Variants in COL27A1 observed in about 807,000 individuals in gnomAD.
The protein encoded by COL27A1 is collagen alpha-1(XXVII) chain.
Under a neutral mutation model 251.3 loss-of-function variants are expected in COL27A1, and 106 were observed. The ratio of observed to expected loss-of-function variants is 0.42; its 90% CI spans 0.36 to 0.50. The LOEUF is 0.50. Ranked by LOEUF, COL27A1 falls within the 20% of genes least tolerant of loss-of-function variation. The pLI is 0.00. For synonymous variants in COL27A1, 1,000 were observed against 986.3 expected, an observed-to-expected ratio of 1.01 and a Z score of -0.26; for missense variants, 2,325 against 2,522.8, an observed-to-expected ratio of 0.92 and a Z score of 1.68.
chr9:114,240,934 T>C (rs971924795), intron 21 of COL27A1, among the ~76,000 whole-genome samples: 2 of 152,232 alleles, frequency 1.3e-5, no homozygotes, highest in Non-Finnish European at 2.9e-5. Flanking sequence ...CCAGGTCTGC[T>C]TGAGCCCAAA....
rs1051414684 is a variant in COL27A1, at chr9:114,269,300, T to C, written c.3555+6T>C. On this transcript the variant is annotated splice_donor_region_variant and intron_variant, in intron 35 of 60. Transcript: ENST00000356083. ...AGGGCCTCATTGGGCAACGGGTAAG[T>C]TGAAGCAATTTATTCTTCCTGAAAG... is the stretch of plus-strand genomic sequence containing the variant. The C allele has an allele frequency of 5.0e-6, 8 of 1,606,482 alleles. No homozygotes were observed. Among genetic ancestry groups the C allele is most frequent in the Non-Finnish European group, 6.8e-6 (8 of 1,175,646 alleles).
chr9:114,309,301 C>G lies in COL27A1; in HGVS notation c.5259C>G (p.His1753Gln). The G allele has an allele frequency of 6.2e-7, 1 of 1,614,012 alleles. No homozygotes were observed. Among genetic ancestry groups the G allele is most frequent in the Non-Finnish European group, 8.5e-7 (1 of 1,180,044 alleles). The part of the protein sequence containing the change: ...AISRVQMNFL[H>Q]LLSSEVTQHI... ...GCCGGGTCCAGATGAATTTCCTGCA[C>G]CTGCTAAGCTCCGAGGTGACCCAGC... The change falls in exon 60 of 61, where the codon CAC (histidine) becomes CAG (glutamine). Residue 1753 changes from histidine to glutamine, a missense_variant. Coordinates refer to ENST00000356083, the MANE Select transcript of COL27A1 (RefSeq NM_032888.4).
At chr9:114,307,594 G>A (rs745993237) in intron 58 of COL27A1, 75 bp from the exon 59 acceptor site, 48 of 1,018,334 alleles carry the variant, frequency 4.7e-5, no homozygotes, top group Admixed American at 3.3e-4. Context: ...ACAAGATGCA[G>A]GGTCCATCTA....
chr9:114,229,018 C>T (rs1831725881), intron 14 of COL27A1, among the ~76,000 whole-genome samples: 1 of 152,154 alleles, frequency 6.6e-6, no homozygotes, highest in African/African-American at 2.4e-5. Flanking sequence ...GAGATTGAGT[C>T]TCCCTATGTT....
intron 24 of COL27A1, among the ~76,000 whole-genome samples, chr9:114,247,905 G>C (rs1244221235): frequency 6.6e-6 from 1 of 151,888 alleles, no homozygotes; most frequent in Non-Finnish European, 1.5e-5. Flanking sequence ...CATTATAATG[G>C]CAAAAACTGC....
intron 41 of COL27A1, among the ~76,000 whole-genome samples, chr9:114,285,408 C>T (rs981579431): frequency 1.1e-4 from 17 of 152,104 alleles, no homozygotes; most frequent in African/African-American, 4.1e-4. Context: ...TGTGGTGTCA[C>T]GTCCAAGGCA....
At chr9:114,183,597 C>A (rs1192341119) in intron 5 of COL27A1, among the ~76,000 whole-genome samples, 1 of 151,970 alleles carries the variant, frequency 6.6e-6, no homozygotes, top group African/African-American at 2.4e-5. Context: ...GTGGTGGGTG[C>A]AAGGTGAGAG....
intron 25 of COL27A1, among the ~76,000 whole-genome samples, chr9:114,251,496 T>C (rs4978575): frequency 0.34 from 51,335 of 151,998 alleles, 9,309 homozygotes; most frequent in East Asian, 0.72. Context: ...TATCTTGAAA[T>C]TTTAAATTTA....
rs529495663 is a variant in COL27A1 at position 114,253,705 on chromosome 9, G to GA, written c.3141+779dup. The stretch of plus-strand genomic sequence containing the variant: ...CTGAATTTTGCTCATTTGAAAAACA[G>GA]AAAAAAGAATCATGGTCAGGATAGT... On this transcript the variant is annotated intron_variant, in intron 27 of 60. Coordinates refer to ENST00000356083, the MANE Select transcript of COL27A1 (RefSeq NM_032888.4). 3.5e-4 allele frequency among the ~76,000 whole-genome samples: 53 copies of GA among 152,246 alleles called. No homozygotes were observed. The East Asian group carries it at 9.8e-3, about 28-fold the overall frequency.
chr9:114,251,790 C>T (rs547064198), intron 25 of COL27A1, among the ~76,000 whole-genome samples: 119 of 152,342 alleles, frequency 7.8e-4, no homozygotes, highest in Non-Finnish European at 1.4e-3. Flanking sequence ...AGGGACTTCC[C>T]GAGGGAAGCT....
chr9:114,242,155 C>T (rs1299857453), intron 21 of COL27A1, 32 bp from the exon 22 acceptor site: 1 of 1,575,850 alleles, frequency 6.3e-7, no homozygotes, highest in South Asian at 1.2e-5. Flanking sequence ...TAACTTTCTC[C>T]TTTTTTCCTC....
chr9:114,204,991 G>C, intron 7 of COL27A1, 111 bp from the exon 8 acceptor site: 2 of 955,772 alleles, frequency 2.1e-6, no homozygotes, highest in Non-Finnish European at 3.3e-6. Flanking sequence ...ACTCCATCCC[G>C]GATGCAGTAC....
intron 7 of COL27A1, among the ~76,000 whole-genome samples, chr9:114,197,470 C>A (rs558982849): frequency 6.6e-6 from 1 of 152,330 alleles, no homozygotes; most frequent in African/African-American, 2.4e-5. Context: ...CTTACTTCCT[C>A]TCTGGGCTCT....
chr9:114,300,041 C>A (rs77055438), intron 49 of COL27A1, 29 bp from the exon 50 acceptor site: 2 of 1,613,134 alleles, frequency 1.2e-6, no homozygotes, highest in African/African-American at 1.3e-5. Context: ...TGAGCTCACT[C>A]GCTCCATCAC....
chr9:114,252,207 C>A (rs1833589317), intron 25 of COL27A1, among the ~76,000 whole-genome samples: 1 of 152,196 alleles, frequency 6.6e-6, no homozygotes, highest in African/African-American at 2.4e-5. Context: ...AAAGACATGC[C>A]TTCTCTTGCT....
chr9:114,293,903 C>T (rs1828084423), intron 49 of COL27A1, among the ~76,000 whole-genome samples: 1 of 151,992 alleles, frequency 6.6e-6, no homozygotes, highest in South Asian at 2.1e-4. Context: ...AAACTCTGGG[C>T]CCAGATGGCT....
At position 114,237,056 on chromosome 9, in the gene COL27A1, AC is replaced by A. The variant is rs763197829; in HGVS notation, c.2673+27del. On this transcript the variant is annotated intron_variant, in intron 18 of 60. Coordinates refer to ENST00000356083, the MANE Select transcript of COL27A1 (RefSeq NM_032888.4). ...TCTGGTAAGTACCTGCTCCTCCAGC[AC>A]CCCCAAACCTCACACTCTCCAACTG... 1.0e-5 allele frequency: 16 copies of A among 1,580,984 alleles called. No individual in the cohort carries two copies. The East Asian group carries it at 3.6e-4, about 36-fold the overall frequency.
chr9:114,241,974 A>G (rs1188237046), intron 21 of COL27A1, among the ~76,000 whole-genome samples: 5 of 152,092 alleles, frequency 3.3e-5, no homozygotes, highest in African/African-American at 1.2e-4. Context: ...GTCTCCATTC[A>G]CTGGAAGTCA....
chr9:114,292,075 C>A (rs1487566522), intron 48 of COL27A1, 28 bp from the exon 49 acceptor site: 2 of 1,543,844 alleles, frequency 1.3e-6, no homozygotes, highest in South Asian at 2.4e-5. Context: ...CCCACTTTGA[C>A]TGGTAATTTT....
Sources: allele counts gnomAD v4.1 joint callset (sites outside exome capture counted in the v4.1 genomes callset), GRCh38; gene constraint gnomAD v4.1.1; transcripts MANE v1.5; gene names NCBI Gene and HGNC (gene_info 2026-07-23, HGNC 2026-07-21).